Variants in TNS3 observed in about 807,000 individuals in gnomAD.
TNS3 encodes tensin-3.
TNS3 carries 45 observed loss-of-function variants against 140.9 expected under a neutral mutation model. The ratio of observed to expected loss-of-function variants is 0.32; its 90% CI spans 0.25 to 0.41. The LOEUF is 0.41. Among genes scored for constraint, TNS3 ranks in the 10% least tolerant of loss-of-function variants. The probability of loss-of-function intolerance (pLI) is 1.00; values close to 1 mark genes in which losing one functional copy is unlikely to be tolerated. For synonymous variants in TNS3, 815 were observed against 788.4 expected, an observed-to-expected ratio of 1.03 and a Z score of -0.56; for missense variants, 1,716 against 1,906.7, an observed-to-expected ratio of 0.90 and a Z score of 1.86.
chr7:47,470,229 G>A (rs1195700966), intron 4 of TNS3, among the ~76,000 whole-genome samples: 1 of 152,088 alleles, frequency 6.6e-6, no homozygotes, highest in Admixed American at 6.6e-5. Context: ...GAGTGGGAGA[G>A]GGACGTGAAT....
Position 47,277,806 on chromosome 7 carries a change from C to T in TNS3, c.*270G>A. The T allele has an allele frequency of 1.9e-6, 1 of 517,192 alleles. No individual in the cohort carries two copies. The highest frequency in any genetic ancestry group is 1.9e-5 in the South Asian group (1 of 51,450). The allele number at this position is 517,192 out of a possible 1,614,324, so 32.0% of individuals were successfully genotyped here. A position where few individuals can be genotyped will look rare whatever the true frequency, so the allele number is the denominator to read the frequency against. ...TGCATGTCCCTTTCCCATGGGGACC[C>T]TAGGGGGTGGGGTGCACCCATGCCC... On this transcript the variant is annotated 3_prime_UTR_variant, in exon 31 of 31. Transcript: ENST00000311160.
rs1260846223 is a variant in TNS3 at position 47,574,652 on chromosome 7, CA to C, written c.-265+7398del. Among the ~76,000 whole-genome samples the C allele has an allele frequency of 1.1e-3, 157 of 144,164 alleles. 2 individuals carry two copies. Among genetic ancestry groups the C allele is most frequent in the East Asian group, 0.011 (55 of 5,080 alleles). The allele number at this position is 144,164 out of a possible 152,430, so 94.6% of individuals were successfully genotyped here. On this transcript the variant is annotated intron_variant, in intron 1 of 30. Transcript: ENST00000311160. ...ACACACACACACACACACACACCCCCACACACACGGTATTATTCAGCCTTAA... is the reference window on the plus strand; with the variant it reads ...ACACACACACACACACACACACCCCCCACACACGGTATTATTCAGCCTTAA...
intron 16 of TNS3, among the ~76,000 whole-genome samples, chr7:47,377,456 G>C (rs1791465553): frequency 1.3e-5 from 2 of 152,230 alleles, no homozygotes; most frequent in South Asian, 2.1e-4. Flanking sequence ...GAGTGGGGCT[G>C]CAAAGGGTGT....
intron 1 of TNS3, among the ~76,000 whole-genome samples, chr7:47,557,349 G>A (rs1800222453): frequency 6.6e-6 from 1 of 152,176 alleles, no homozygotes. Context: ...AAACCTGCCT[G>A]CAGCGAGCTC....
intron 17 of TNS3, among the ~76,000 whole-genome samples, chr7:47,352,338 C>T (rs190756024): frequency 6.6e-6 from 1 of 152,254 alleles, no homozygotes; most frequent in East Asian, 1.9e-4. Context: ...TCACAGACAG[C>T]CTCACACAGT....
rs1799772511 is a variant in TNS3 at position 47,541,131 on chromosome 7, G to A, written c.-264-11984C>T. Among the ~76,000 whole-genome samples, 3 of 152,146 alleles carry A rather than the reference G, an allele frequency of 2.0e-5. No homozygotes were observed. The South Asian group carries it at 6.2e-4, about 32-fold the overall frequency. Reference sequence around the variant, plus strand: ...AGGACGGCCATAGCAGTGGAGAGGTGACGGGAGATTGGTCATGCACAGGAT... The same window carrying A: ...AGGACGGCCATAGCAGTGGAGAGGTAACGGGAGATTGGTCATGCACAGGAT... On this transcript the variant is annotated intron_variant, in intron 1 of 30. Coordinates refer to ENST00000311160, the MANE Select transcript of TNS3 (RefSeq NM_022748.12).
rs535885551 is a variant in TNS3, at chr7:47,275,989, T to A, written c.*2087A>T. ...CATCAGAAGGATAAGGAACCTGGCC[T>A]GCACTCTTTGGGTTAAACATGGGTA... On this transcript the variant is annotated 3_prime_UTR_variant, in exon 31 of 31. Coordinates refer to ENST00000311160, the MANE Select transcript of TNS3 (RefSeq NM_022748.12). 1 of 395,234 alleles carries A rather than the reference T, an allele frequency of 2.5e-6. No individual in the cohort carries two copies. The highest frequency in any genetic ancestry group is 2.1e-5 in the African/African-American group (1 of 48,056). 24.5% of individuals were successfully genotyped at this position (395,234 alleles called of 1,614,324 possible). A position where few individuals can be genotyped will look rare whatever the true frequency, so the allele number is the denominator to read the frequency against.
chr7:47,477,898 G>A (rs968124476), intron 4 of TNS3, among the ~76,000 whole-genome samples: 14 of 152,196 alleles, frequency 9.2e-5, no homozygotes, highest in African/African-American at 3.4e-4. Context: ...CCAGCAGGGA[G>A]GCAGAAGAGT....
chr7:47,460,754 T>C (rs1796458436), intron 4 of TNS3, among the ~76,000 whole-genome samples: 1 of 152,170 alleles, frequency 6.6e-6, no homozygotes, highest in Non-Finnish European at 1.5e-5. Flanking sequence ...AACAATCCAG[T>C]AAGTCAAGCT....
At chr7:47,305,603 G>C (rs147451557) in intron 20 of TNS3, among the ~76,000 whole-genome samples, 1 of 152,206 alleles carries the variant, frequency 6.6e-6, no homozygotes. Context: ...GTCAAACCCC[G>C]CTGCTTCAAA....
chr7:47,573,941 T>C (rs1344598466), intron 1 of TNS3, among the ~76,000 whole-genome samples: 1 of 152,066 alleles, frequency 6.6e-6, no homozygotes, highest in South Asian at 2.1e-4. Context: ...CCACCATCAG[T>C]TGGGGAAGGC....
chr7:47,462,932 G>A (rs1796548312), intron 4 of TNS3, among the ~76,000 whole-genome samples: 1 of 152,142 alleles, frequency 6.6e-6, no homozygotes, highest in Non-Finnish European at 1.5e-5. Context: ...AAAGCTCAGG[G>A]AAAGAATCAT....
chr7:47,490,827 T>G (rs1439072544), intron 3 of TNS3, among the ~76,000 whole-genome samples: 1 of 151,902 alleles, frequency 6.6e-6, no homozygotes, highest in African/African-American at 2.4e-5. Context: ...AGCCACTGAG[T>G]GTACAGGGGA....
At chr7:47,373,754 C>A (rs992877355) in intron 16 of TNS3, among the ~76,000 whole-genome samples, 1 of 152,236 alleles carries the variant, frequency 6.6e-6, no homozygotes, top group Non-Finnish European at 1.5e-5. Flanking sequence ...TAGTGAACAG[C>A]CTCTGACACC....
intron 6 of TNS3, among the ~76,000 whole-genome samples, chr7:47,439,018 T>C (rs906344048): frequency 5.9e-5 from 9 of 152,188 alleles, no homozygotes; most frequent in African/African-American, 1.9e-4. Context: ...GGCTCCACCA[T>C]CAACTCGACA....
chr7:47,368,988 C>T lies in TNS3; in HGVS notation c.1658G>A (p.Arg553Gln), dbSNP rs762994645. The change falls in exon 17 of 31, where the codon CGG (arginine) becomes CAG (glutamine). Residue 553 changes from arginine to glutamine, a missense_variant. Arg to Gln is a conservative substitution (Grantham distance 43). Coordinates refer to ENST00000311160, the MANE Select transcript of TNS3 (RefSeq NM_022748.12). ...LGMDGPYERE[R>Q]TFGSREPKQP... is the part of the protein sequence containing the mutation. ...CTTGGGCTCTCGACTCCCAAAAGTC[C>T]GCTCCCGCTCATAGGGGCCGTCCAT... 9.3e-6 allele frequency: 15 copies of T among 1,613,820 alleles called. No homozygotes were observed. The highest frequency in any genetic ancestry group is 5.5e-5 in the South Asian group (5 of 91,092).
chr7:47,436,566 T>C (rs1584655865), intron 7 of TNS3, among the ~76,000 whole-genome samples: 1 of 152,276 alleles, frequency 6.6e-6, no homozygotes, highest in South Asian at 2.1e-4. Context: ...ACCTGCACGT[T>C]CTGCACCTGT....
At chr7:47,400,596 T>C (rs1793097385) in intron 14 of TNS3, 138 bp from the exon 15 acceptor site, 2 of 1,243,766 alleles carry the variant, frequency 1.6e-6, no homozygotes, top group Non-Finnish European at 2.3e-6. Context: ...ACAGAAAGTA[T>C]AGGCAGTTTC....
At chr7:47,453,323 C>T in intron 4 of TNS3, 1 of 912,710 alleles carries the variant, frequency 1.1e-6, no homozygotes, top group Non-Finnish European at 1.3e-6. Context: ...AGTGGCTGTG[C>T]CTTCCTGGGG....
Sources: allele counts gnomAD v4.1 joint callset (sites outside exome capture counted in the v4.1 genomes callset), GRCh38; gene constraint gnomAD v4.1.1; transcripts MANE v1.5; gene names NCBI Gene and HGNC (gene_info 2026-07-23, HGNC 2026-07-21).